Variants in EEF2K observed in about 807,000 individuals in gnomAD.
EEF2K encodes the protein eukaryotic elongation factor 2 kinase.
Under a neutral mutation model 93.8 loss-of-function variants are expected in EEF2K, and 70 were observed. The ratio of observed to expected loss-of-function variants is 0.75; its 90% CI spans 0.62 to 0.91. The LOEUF (loss-of-function observed/expected upper bound fraction) is 0.91, where lower values mean the gene tolerates loss of function less well. EEF2K is among the 40% of genes least tolerant of loss of function. The pLI is 0.00. For missense variants in EEF2K, 935 were observed against 972.9 expected, an observed-to-expected ratio of 0.96 and a Z score of 0.52; for synonymous variants, 376 against 380.8, an observed-to-expected ratio of 0.99 and a Z score of 0.15.
chr16:22,273,660 A>G lies in EEF2K; in HGVS notation c.1799A>G (p.Tyr600Cys). Reference protein sequence around the residue: ...TEENKTKGFDYLLKAAEAGDR... With the variant: ...TEENKTKGFDCLLKAAEAGDR... Reference sequence around the variant, plus strand: ...GAGAACAAAACCAAAGGATTTGATTACTTACTAAAGGCCGCTGAAGCTGGC... The same window carrying G: ...GAGAACAAAACCAAAGGATTTGATTGCTTACTAAAGGCCGCTGAAGCTGGC... Residue 600 changes from tyrosine (Y) to cysteine (C), a missense_variant, in exon 16 of 18, where the codon TAC becomes TGC. Physicochemically the swap from Tyr to Cys is radical, Grantham distance 194. Coordinates refer to ENST00000263026, the MANE Select transcript of EEF2K (RefSeq NM_013302.5). 1.9e-6 allele frequency: 3 copies of G among 1,614,178 alleles called. No homozygotes were observed. Among genetic ancestry groups the G allele is most frequent in the Non-Finnish European group, 2.5e-6 (3 of 1,180,020 alleles).
chr16:22,260,471 T>G lies in EEF2K; in HGVS notation c.1241T>G (p.Val414Gly), dbSNP rs766873149. ...SQKLDHLHWP[V>G]FSDLDNMASR... ...GTTTCTCCCTGCCCAGATTGGCCAG[T>G]GTTCAGTGACCTCGATAACATGGCA... The change falls in exon 11 of 18, where the codon GTG (valine) becomes GGG (glycine). Residue 414 changes from valine (V) to glycine (G), a missense_variant. Coordinates refer to ENST00000263026, the MANE Select transcript of EEF2K (RefSeq NM_013302.5). 15 of 1,613,982 alleles carry G rather than the reference T, an allele frequency of 9.3e-6. No homozygotes were observed. The highest frequency in any genetic ancestry group is 1.3e-5 in the Non-Finnish European group (15 of 1,180,028).
intron 3 of EEF2K, among the ~76,000 whole-genome samples, chr16:22,247,433 G>A (rs1361582741): frequency 1.4e-5 from 2 of 145,312 alleles, no homozygotes; most frequent in Non-Finnish European, 3.0e-5. Flanking sequence ...GGGTGATGGG[G>A]AGATTCTGTG....
At chr16:22,226,976 G>T (rs1406846478) in intron 2 of EEF2K, among the ~76,000 whole-genome samples, 1 of 152,106 alleles carries the variant, frequency 6.6e-6, no homozygotes, top group Non-Finnish European at 1.5e-5. Context: ...AAGGCAAGTG[G>T]ATCACCTGAG....
intron 6 of EEF2K, among the ~76,000 whole-genome samples, chr16:22,252,205 C>G (rs2047358338): frequency 6.6e-6 from 1 of 152,166 alleles, no homozygotes. Flanking sequence ...GAAACCCACT[C>G]AAACTGCTTA....
chr16:22,287,771 A>C lies in EEF2K; in HGVS notation c.*3775A>C, dbSNP rs1321878743. The C allele has an allele frequency of 6.6e-6, 1 of 152,096 alleles. No individual in the cohort carries two copies. The highest frequency in any genetic ancestry group is 1.5e-5 in the Non-Finnish European group (1 of 68,012). 9.4% of individuals were successfully genotyped at this position (152,096 alleles called of 1,614,324 possible). A position where few individuals can be genotyped will look rare whatever the true frequency, so the allele number is the denominator to read the frequency against. On this transcript the variant is annotated 3_prime_UTR_variant, in exon 18 of 18. Transcript: ENST00000263026. ...CCCTGACCACTCTGGGAATTTATCA[A>C]ATGCAGCTTTGACCTCCAAGCCAAG...
At chr16:22,267,191 G>A (rs535957933) in intron 15 of EEF2K, among the ~76,000 whole-genome samples, 97 of 152,294 alleles carry the variant, frequency 6.4e-4, no homozygotes, top group African/African-American at 2.3e-3. Flanking sequence ...GGGGCCTGGA[G>A]GGGTTGGTTC....
At position 22,273,640 on chromosome 16, in the gene EEF2K, C is replaced by G. The variant is rs762806712; in HGVS notation, c.1779C>G (p.Asn593Lys). 2 of 1,614,140 alleles carry G rather than the reference C, an allele frequency of 1.2e-6. No homozygotes were observed. Among genetic ancestry groups the G allele is most frequent in the Admixed American group, 3.3e-5 (2 of 60,004 alleles). The change falls in exon 16 of 18, where the codon AAC becomes AAG. Residue 593 changes from asparagine to lysine, a missense_variant. By Grantham distance (94) the Asn-to-Lys change is moderately conservative. Transcript: ENST00000263026. ...TGTATCAACAGGAGACAGAAGAGAA[C>G]AAAACCAAAGGATTTGATTACTTAC... ...ADVSLKETEE[N>K]KTKGFDYLLK...
At position 22,263,136 on chromosome 16, in the gene EEF2K, A is replaced by G. The variant is rs761585316; in HGVS notation, c.1326A>G (p.Gly442=). Reference sequence around the variant, plus strand: ...AGTCTGAGAATAGTGGGGACAGCGGATACCCCAGTGAGAAGCGGGGTGAGC... The same window carrying G: ...AGTCTGAGAATAGTGGGGACAGCGGGTACCCCAGTGAGAAGCGGGGTGAGC... The part of the protein sequence containing the change: ...HRESENSGDS[G]YPSEKRGELD... Residue 442 remains glycine, a synonymous_variant, in exon 12 of 18, where the codon GGA becomes GGG. Transcript: ENST00000263026. 9 of 1,612,558 alleles carry G rather than the reference A, an allele frequency of 5.6e-6. No homozygotes were observed. Among genetic ancestry groups the G allele is most frequent in the Non-Finnish European group, 7.6e-6 (9 of 1,179,292 alleles).
rs141343206 is a variant in EEF2K at position 22,248,723 on chromosome 16, C to T, written c.348-32C>T. The T allele has an allele frequency of 5.6e-4, 907 of 1,612,594 alleles. 4 individuals are homozygous for T. The African/African-American group carries it at 1.0e-2, about 18-fold the overall frequency. On this transcript the variant is annotated intron_variant, in intron 3 of 17. Transcript: ENST00000263026. The stretch of plus-strand genomic sequence containing the variant: ...GTGAGAAACAGGACCACGTGATGGA[C>T]GCTGTGCCCCATGGTGGATGGGTCT...
In EEF2K at chr16:22,286,170, C is replaced by G. The variant is rs1035466663; in HGVS notation, c.*2174C>G. ...ATATGGACTCATCATAGCCAGTTTT[C>G]CTTTTGAAGTTGGAACTGATCACCC... is the stretch of plus-strand genomic sequence containing the variant. On this transcript the variant is annotated 3_prime_UTR_variant, in exon 18 of 18. Transcript: ENST00000263026. The G allele has an allele frequency of 3.3e-5, 5 of 152,252 alleles. No individual in the cohort carries two copies. Among genetic ancestry groups the G allele is most frequent in the Non-Finnish European group, 7.4e-5 (5 of 68,020 alleles). 9.4% of individuals were successfully genotyped at this position (152,252 alleles called of 1,614,324 possible). A position where few individuals can be genotyped will look rare whatever the true frequency, so the allele number is the denominator to read the frequency against.
At chr16:22,276,519 C>A (rs1245884475) in intron 16 of EEF2K, among the ~76,000 whole-genome samples, 1 of 152,122 alleles carries the variant, frequency 6.6e-6, no homozygotes, top group Admixed American at 6.6e-5. Flanking sequence ...TCTGTGCAGG[C>A]CCAAATTTGC....
chr16:22,251,200 A>G lies in EEF2K; in HGVS notation c.496A>G (p.Asn166Asp). 6.2e-7 allele frequency: 1 copy of G among 1,614,080 alleles called. No homozygotes were observed. Among genetic ancestry groups the G allele is most frequent in the Non-Finnish European group, 8.5e-7 (1 of 1,180,000 alleles). The change falls in exon 6 of 18, where the codon AAC (asparagine) becomes GAC (aspartate). Residue 166 changes from asparagine (N) to aspartate (D), a missense_variant. Transcript: ENST00000263026. ...TGCCCAGCAGTGGAAGGGCGCCTCC[A>G]ACTACGTGGCGAAGCGCTACATCGA... is the stretch of plus-strand genomic sequence containing the variant. ...LHAQQWKGASNYVAKRYIEPV... is the reference protein window; with the variant it reads ...LHAQQWKGASDYVAKRYIEPV...
At position 22,284,898 on chromosome 16, in the gene EEF2K, C is replaced by T. The variant is rs2047739731; in HGVS notation, c.*902C>T. Reference sequence around the variant, plus strand: ...TGCACAATACCCAGGCTCCCTTCTACTGTGGGGAAGGGCCTGCATGTTGGC... The same window carrying T: ...TGCACAATACCCAGGCTCCCTTCTATTGTGGGGAAGGGCCTGCATGTTGGC... On this transcript the variant is annotated 3_prime_UTR_variant, in exon 18 of 18. Coordinates refer to ENST00000263026, the MANE Select transcript of EEF2K (RefSeq NM_013302.5). 1 of 152,534 alleles carries T rather than the reference C, an allele frequency of 6.6e-6. No individual in the cohort carries two copies. Among genetic ancestry groups the T allele is most frequent in the African/African-American group, 2.4e-5 (1 of 41,426 alleles). The allele number at this position is 152,534 out of a possible 1,614,324, so 9.4% of individuals were successfully genotyped here. A position where few individuals can be genotyped will look rare whatever the true frequency, so the allele number is the denominator to read the frequency against.
At chr16:22,259,626 A>G (rs974249183) in intron 10 of EEF2K, among the ~76,000 whole-genome samples, 1 of 152,170 alleles carries the variant, frequency 6.6e-6, no homozygotes, top group South Asian at 2.1e-4. Context: ...GTGAAATTTA[A>G]TTTTTGTCAT....
chr16:22,243,722 C>T (rs1163928620), intron 2 of EEF2K, among the ~76,000 whole-genome samples: 1 of 138,034 alleles, frequency 7.2e-6, no homozygotes, highest in Admixed American at 7.1e-5. Flanking sequence ...AGGAGTTTGA[C>T]ACCAGCCTGG....
At chr16:22,212,527 T>C (rs1363287903) in intron 1 of EEF2K, among the ~76,000 whole-genome samples, 2 of 152,114 alleles carry the variant, frequency 1.3e-5, no homozygotes, top group African/African-American at 2.4e-5. Flanking sequence ...GTTTTCACCA[T>C]GTTGGTCAGG....
intron 1 of EEF2K, among the ~76,000 whole-genome samples, chr16:22,217,787 A>C (rs1444598862): frequency 6.6e-6 from 1 of 151,916 alleles, no homozygotes; most frequent in East Asian, 1.9e-4. Flanking sequence ...GTGACAGAAA[A>C]CCTATCTGTA....
At chr16:22,213,995 A>G (rs2046937734) in intron 1 of EEF2K, among the ~76,000 whole-genome samples, 1 of 152,206 alleles carries the variant, frequency 6.6e-6, no homozygotes, top group African/African-American at 2.4e-5. Context: ...TAGCCATCTT[A>G]GGGGAGCCAT....
At chr16:22,228,006 C>CTTTTTTTT (rs1051682997) in intron 2 of EEF2K, among the ~76,000 whole-genome samples, 26 of 80,050 alleles carry the variant, frequency 3.2e-4, no homozygotes, top group East Asian at 9.4e-4. Flanking sequence ...AAACCAAATT[C>CTTTTTTTT]TTTTTTTTTT....
Sources: gnomAD v4.1 joint callset for allele counts (sites outside exome capture counted in the v4.1 genomes callset) on GRCh38, gnomAD v4.1.1 for gene constraint, MANE v1.5 for transcripts, NCBI Gene and HGNC (gene_info 2026-07-23, HGNC 2026-07-21) for gene names.